Variants in PARP8 observed in about 807,000 individuals in gnomAD.
PARP8 encodes poly(ADP-ribose) polymerase family member 8.
PARP8 carries 51 observed loss-of-function variants against 124.1 expected under a neutral mutation model. That is an observed-to-expected ratio of 0.41 (90% CI 0.33 to 0.52). The LOEUF (loss-of-function observed/expected upper bound fraction) is 0.52. PARP8 is among the 20% of genes least tolerant of loss of function. PARP8 has a pLI of 0.21. For synonymous variants in PARP8, 391 were observed against 361.5 expected (o/e 1.08, Z -0.93); for missense variants, 860 against 1,018.9 (o/e 0.84, Z 2.12).
At chr5:50,667,988 C>G in intron 1 of PARP8, 83 bp from the exon 2 acceptor site, 1 of 1,607,284 alleles carries the variant, frequency 6.2e-7, no homozygotes, top group East Asian at 2.2e-5. Flanking sequence ...CCCCTGACAC[C>G]ACCGAATGTG....
intron 15 of PARP8, among the ~76,000 whole-genome samples, chr5:50,819,535 G>T (rs1745520555): frequency 6.9e-6 from 1 of 145,848 alleles, no homozygotes; most frequent in Non-Finnish European, 1.5e-5. Flanking sequence ...CCAGCTCCCG[G>T]GTTCAAGCAG....
At chr5:50,779,936 C>A (rs1371632101) in intron 9 of PARP8, among the ~76,000 whole-genome samples, 1 of 152,006 alleles carries the variant, frequency 6.6e-6, no homozygotes, top group African/African-American at 2.4e-5. Context: ...ATTACATATT[C>A]TAACTGATTT....
At chr5:50,815,402 T>TCC in intron 14 of PARP8, 30 bp from the exon 15 acceptor site, 1 of 1,507,716 alleles carries the variant, frequency 6.6e-7, no homozygotes, top group Non-Finnish European at 8.9e-7. Context: ...TGGAAAAAAG[T>TCC]TTTGTGATTG....
intron 2 of PARP8, among the ~76,000 whole-genome samples, chr5:50,734,187 T>C (rs1410645864): frequency 6.6e-6 from 1 of 152,162 alleles, no homozygotes; most frequent in African/African-American, 2.4e-5. Flanking sequence ...CCCATTTGGA[T>C]GTTTATCTTC....
intron 25 of PARP8, among the ~76,000 whole-genome samples, chr5:50,839,682 C>T (rs537705710): frequency 6.6e-6 from 1 of 151,524 alleles, no homozygotes; most frequent in South Asian, 2.1e-4. Context: ...CTCTCTCTCT[C>T]TCTCTCTCTA....
intron 22 of PARP8, among the ~76,000 whole-genome samples, chr5:50,830,969 T>A (rs1746905594): frequency 6.6e-6 from 1 of 152,070 alleles, no homozygotes; most frequent in Admixed American, 6.6e-5. Context: ...CAGGTGAACA[T>A]TAAAGAGAAC....
intron 2 of PARP8, among the ~76,000 whole-genome samples, chr5:50,676,283 G>C (rs1056093142): frequency 5.3e-5 from 8 of 152,168 alleles, no homozygotes. Flanking sequence ...ATATTGAGCC[G>C]GGAAGAATTT....
chr5:50,768,928 G>T (rs989357484), intron 7 of PARP8, among the ~76,000 whole-genome samples: 1 of 152,064 alleles, frequency 6.6e-6, no homozygotes. Context: ...TTGAAATCTG[G>T]CATACAAAGA....
At chr5:50,725,999 C>G (rs929080667) in intron 2 of PARP8, among the ~76,000 whole-genome samples, 1 of 152,120 alleles carries the variant, frequency 6.6e-6, no homozygotes, top group African/African-American at 2.4e-5. Context: ...GTTATGCTAC[C>G]TACTCCTATG....
chr5:50,808,556 C>T (rs998884794), intron 14 of PARP8, among the ~76,000 whole-genome samples: 1 of 151,924 alleles, frequency 6.6e-6, no homozygotes. Context: ...AAGGAATTTC[C>T]TTGTGAGGGA....
At chr5:50,680,903 A>G (rs374202155) in intron 2 of PARP8, among the ~76,000 whole-genome samples, 8 of 152,158 alleles carry the variant, frequency 5.3e-5, no homozygotes, top group African/African-American at 1.7e-4. Context: ...TGTTATTAAA[A>G]CAAACAGGTG....
chr5:50,813,865 T>G lies in PARP8; in HGVS notation c.1576-1567T>G, dbSNP rs1191380189. Among the ~76,000 whole-genome samples, 7 of 152,174 alleles carry G rather than the reference T, an allele frequency of 4.6e-5. No individual in the cohort carries two copies. The East Asian group carries it at 9.7e-4, about 21-fold the overall frequency. On this transcript the variant is annotated intron_variant, in intron 14 of 25. Coordinates refer to ENST00000281631, the MANE Select transcript of PARP8 (RefSeq NM_024615.4). ...CACACACACACACAAATATACGTATTTAGATGTTCACAAAGTAAGCATAGT... is the reference window on the plus strand; with the variant it reads ...CACACACACACACAAATATACGTATGTAGATGTTCACAAAGTAAGCATAGT...
At chr5:50,838,054 A>G (rs899740302) in intron 25 of PARP8, among the ~76,000 whole-genome samples, 3 of 152,130 alleles carry the variant, frequency 2.0e-5, no homozygotes, top group Admixed American at 6.6e-5. Flanking sequence ...GGAGATGTGA[A>G]TGTAGGAATG....
intron 2 of PARP8, among the ~76,000 whole-genome samples, chr5:50,716,758 A>C (rs1755360388): frequency 6.6e-6 from 1 of 152,046 alleles, no homozygotes; most frequent in Non-Finnish European, 1.5e-5. Context: ...CTGCTCATCA[A>C]AGGGTTTGAT....
At chr5:50,706,734 C>G (rs529263394) in intron 2 of PARP8, among the ~76,000 whole-genome samples, 3 of 151,842 alleles carry the variant, frequency 2.0e-5, no homozygotes, top group Admixed American at 1.3e-4. Context: ...GTACAAATAC[C>G]GCAGAGCTTG....
chr5:50,762,695 A>G (rs1282004927), intron 6 of PARP8, among the ~76,000 whole-genome samples: 1 of 152,226 alleles, frequency 6.6e-6, no homozygotes. Context: ...TGGATATAAT[A>G]AAACGGGCTT....
intron 2 of PARP8, among the ~76,000 whole-genome samples, chr5:50,709,457 CTTCTGT>C (rs1313640272): frequency 3.3e-5 from 5 of 151,914 alleles, no homozygotes; most frequent in Admixed American, 1.3e-4. Flanking sequence ...CCTTTCACTG[CTTCTGT>C]TTCCTCCAAG....
chr5:50,669,106 A>G (rs961756451), intron 2 of PARP8: 11 of 152,244 alleles, frequency 7.2e-5, no homozygotes, highest in Non-Finnish European at 1.3e-4. Flanking sequence ...TACATTATAC[A>G]TCTCAAAACA....
chr5:50,824,785 G>A, intron 17 of PARP8, 123 bp from the exon 18 acceptor site: 2 of 704,064 alleles, frequency 2.8e-6, no homozygotes, highest in South Asian at 3.5e-5. Flanking sequence ...TTGTTCCCAT[G>A]TTAAGTCCAT....
Sources: gnomAD v4.1 joint callset for allele counts (sites outside exome capture counted in the v4.1 genomes callset) on GRCh38, gnomAD v4.1.1 for gene constraint, MANE v1.5 for transcripts, NCBI Gene and HGNC (gene_info 2026-07-23, HGNC 2026-07-21) for gene names.